Variants in LAMC3 observed in about 807,000 individuals in gnomAD.
The protein encoded by LAMC3 is laminin subunit gamma-3.
Under a neutral mutation model 173.8 loss-of-function variants are expected in LAMC3, and 128 were observed. That is an observed-to-expected ratio of 0.74 (90% CI 0.64 to 0.85). The LOEUF (loss-of-function observed/expected upper bound fraction) is 0.85, where lower values mean the gene tolerates loss of function less well. Among genes scored for constraint, LAMC3 ranks in the 40% least tolerant of loss-of-function variants. LAMC3 has a pLI of 0.00. For synonymous variants in LAMC3, 897 were observed against 909.1 expected (o/e 0.99, Z 0.24); for missense variants, 2,022 against 2,156.0 (o/e 0.94, Z 1.23).
chr9:131,072,828 C>A lies in LAMC3; in HGVS notation c.3410C>A (p.Ala1137Glu). 2 of 1,610,536 alleles carry A rather than the reference C, an allele frequency of 1.2e-6. No individual in the cohort carries two copies. Among genetic ancestry groups the A allele is most frequent in the Non-Finnish European group, 1.7e-6 (2 of 1,178,518 alleles). Residue 1137 changes from alanine (A) to glutamate (E), a missense_variant, in exon 19 of 28, where the codon GCG becomes GAG. Ala to Glu is a moderately radical substitution (Grantham distance 107). Transcript: ENST00000361069. ...ATTCTGCATGCAGCTGCCATTCTCG[C>A]GTCTCTGGTATCCCAGGGGACCCCC... ...EEILHAAAILASLEIPQEGPS... is the reference protein window; with the variant it reads ...EEILHAAAILESLEIPQEGPS...
At chr9:131,043,658 G>A (rs1053040659) in intron 7 of LAMC3, among the ~76,000 whole-genome samples, 3 of 152,232 alleles carry the variant, frequency 2.0e-5, no homozygotes, top group African/African-American at 7.2e-5. Context: ...TAAATAGATG[G>A]GCATGAAGAG....
chr9:131,080,593 T>C (rs1830220559), intron 23 of LAMC3, among the ~76,000 whole-genome samples: 1 of 152,082 alleles, frequency 6.6e-6, no homozygotes, highest in South Asian at 2.1e-4. Flanking sequence ...TCCATTCCTT[T>C]TAAAGACAGG....
chr9:131,046,518 A>ATTCTTTTTTTTTTTTTTTTTTTTTTTTTT (rs1834163498), intron 8 of LAMC3, among the ~76,000 whole-genome samples: 1 of 49,170 alleles, frequency 2.0e-5, no homozygotes. Flanking sequence ...TAATTTTTGT[A>ATTCTTTTTTTTTTTTTTTTTTTTTTTTTT]TTTTTTTTTT....
At chr9:131,069,944 C>G (rs1830011755) in intron 17 of LAMC3, 94 bp downstream of exon 17, 2 of 1,306,100 alleles carry the variant, frequency 1.5e-6, no homozygotes. Context: ...CCTGCTTACC[C>G]CCAGTGCTCA....
intron 13 of LAMC3, among the ~76,000 whole-genome samples, chr9:131,065,583 A>G (rs144433897): frequency 7.9e-5 from 12 of 152,294 alleles, no homozygotes; most frequent in Non-Finnish European, 1.6e-4. Context: ...GAAAATGAAG[A>G]TAATGATCAA....
intron 1 of LAMC3, among the ~76,000 whole-genome samples, chr9:131,014,882 C>T (rs1833492200): frequency 6.6e-6 from 1 of 152,158 alleles, no homozygotes; most frequent in Admixed American, 6.5e-5. Flanking sequence ...ACTTGGAAGG[C>T]TGAGGTGGGA....
chr9:131,015,069 A>G (rs1372727334), intron 1 of LAMC3, among the ~76,000 whole-genome samples: 6 of 152,176 alleles, frequency 3.9e-5, no homozygotes. Context: ...TGTTATTGTT[A>G]TGCCTATTTT....
chr9:131,041,519 A>T, intron 6 of LAMC3, 118 bp from the exon 7 acceptor site: 1 of 866,354 alleles, frequency 1.2e-6, no homozygotes, highest in Non-Finnish European at 1.9e-6. Context: ...CAGGTCAGTT[A>T]CCTGCGTCAG....
chr9:131,045,189 T>A (rs1233414934), intron 7 of LAMC3, among the ~76,000 whole-genome samples: 5 of 138,782 alleles, frequency 3.6e-5, no homozygotes, highest in Non-Finnish European at 7.6e-5. Flanking sequence ...ACCATTGCAC[T>A]CCAGCCTGGG....
At chr9:131,059,139 T>A (rs1000400944) in intron 12 of LAMC3, among the ~76,000 whole-genome samples, 4 of 151,214 alleles carry the variant, frequency 2.6e-5, no homozygotes, top group Non-Finnish European at 5.9e-5. Flanking sequence ...GAGGTTGTAG[T>A]GAGCCGGGAT....
At position 131,031,446 on chromosome 9, in the gene LAMC3, C is replaced by T. The variant is rs569387813; in HGVS notation, c.679-599C>T. On this transcript the variant is annotated intron_variant, in intron 2 of 27. Transcript: ENST00000361069. ...ACAAGGGGCCACAAGTCCCTGCTCT[C>T]GTGGAAGAGATGTCACCTGAGGCAG... Among the ~76,000 whole-genome samples the T allele has an allele frequency of 2.8e-4, 42 of 152,296 alleles. 2 individuals are homozygous for T. The South Asian group carries it at 8.7e-3, about 32-fold the overall frequency.
chr9:131,075,358 G>A (rs1253197392), intron 20 of LAMC3, among the ~76,000 whole-genome samples: 1 of 152,178 alleles, frequency 6.6e-6, no homozygotes, highest in African/African-American at 2.4e-5. Flanking sequence ...TGGATCGCCT[G>A]AGGACAGGAG....
chr9:131,044,811 G>A (rs1290417677), intron 7 of LAMC3, among the ~76,000 whole-genome samples: 1 of 152,226 alleles, frequency 6.6e-6, no homozygotes, highest in East Asian at 1.9e-4. Context: ...TGGCAGACAA[G>A]GAAAGACTGA....
chr9:131,068,630 C>T (rs1829984151), intron 15 of LAMC3, among the ~76,000 whole-genome samples: 1 of 152,198 alleles, frequency 6.6e-6, no homozygotes, highest in Admixed American at 6.5e-5. Context: ...AGAGCTCTTA[C>T]TATGCTGATT....
Position 131,026,622 on chromosome 9 carries a change from CG to C in LAMC3, c.678+37del. ...AGGAGCGGGGCTTCGGAGGTTGGGA[CG>C]GGGTTGGGACTGGGTCACGGCAGTA... is the stretch of plus-strand genomic sequence containing the variant. On this transcript the variant is annotated intron_variant, in intron 2 of 27. Coordinates refer to ENST00000361069, the MANE Select transcript of LAMC3 (RefSeq NM_006059.4). The surrounding 1 kb of genome is among the most constrained non-coding windows in gnomAD (Gnocchi z 4.8). 2 of 1,534,392 alleles carry C rather than the reference CG, an allele frequency of 1.3e-6. No individual in the cohort carries two copies. The highest frequency in any genetic ancestry group is 1.8e-6 in the Non-Finnish European group (2 of 1,141,228).
chr9:131,041,571 G>A, intron 6 of LAMC3, 66 bp from the exon 7 acceptor site: 1 of 1,410,360 alleles, frequency 7.1e-7, no homozygotes, highest in East Asian at 2.3e-5. Flanking sequence ...TCCCTTCCTA[G>A]GATGGGCTGT....
At chr9:131,064,676 A>AG (rs149969886) in intron 13 of LAMC3, among the ~76,000 whole-genome samples, 41,951 of 146,346 alleles carry the variant, frequency 0.29, 6,433 homozygotes, top group African/African-American at 0.34. Flanking sequence ...AAAAAAAAAA[A>AG]AAAAGAAATG....
rs141737790 is a variant in LAMC3, at chr9:131,090,391, G to A, written c.4478-1146G>A. Among the ~76,000 whole-genome samples, 9 of 152,348 alleles carry A rather than the reference G, an allele frequency of 5.9e-5. No homozygotes were observed. In the East Asian group the frequency reaches 1.5e-3, roughly 26 times the overall value. On this transcript the variant is annotated intron_variant, in intron 27 of 27. Coordinates refer to ENST00000361069, the MANE Select transcript of LAMC3 (RefSeq NM_006059.4). ...AGCCTGGGCAGGTAGAGTGGGGGCT[G>A]TAATCCATTTCTGAATCTCTTCGAA... is the stretch of plus-strand genomic sequence containing the variant.
At position 131,050,109 on chromosome 9, in the gene LAMC3, CA is replaced by C. The variant is rs576903225; in HGVS notation, c.1630+985del. On this transcript the variant is annotated intron_variant, in intron 9 of 27. Coordinates refer to ENST00000361069, the MANE Select transcript of LAMC3 (RefSeq NM_006059.4). Reference sequence around the variant, plus strand: ...CGCTCCAAGCTCAGAGGCCCATGAGCAAAAAACTCACTCTGTTCCATGGCCA... The same window carrying C: ...CGCTCCAAGCTCAGAGGCCCATGAGCAAAAACTCACTCTGTTCCATGGCCA... Among the ~76,000 whole-genome samples the C allele has an allele frequency of 2.2e-4, 33 of 152,312 alleles. 1 individual carries two copies. The South Asian group carries it at 6.4e-3, about 30-fold the overall frequency.
Sources: allele counts gnomAD v4.1 joint callset (sites outside exome capture counted in the v4.1 genomes callset), GRCh38; gene constraint gnomAD v4.1.1; non-coding constraint Gnocchi (gnomAD v3.1); transcripts MANE v1.5; gene names NCBI Gene and HGNC (gene_info 2026-07-23, HGNC 2026-07-21).